Variants in MYLK observed in about 807,000 individuals in gnomAD.
MYLK encodes myosin light chain kinase.
In MYLK, 106 loss-of-function variants were observed where a neutral mutation model predicts 203.4. The ratio of observed to expected loss-of-function variants is 0.52; its 90% CI spans 0.45 to 0.61. The LOEUF is 0.61. MYLK is among the 20% of genes least tolerant of loss of function. The probability of loss-of-function intolerance (pLI) is 0.00; values close to 1 mark genes in which losing one functional copy is unlikely to be tolerated. For synonymous variants in MYLK, 867 were observed against 959.5 expected (o/e 0.90, Z 1.78); for missense variants, 2,072 against 2,442.3 (o/e 0.85, Z 3.20).
At chr3:123,639,824 C>T (rs546353384) in intron 28 of MYLK, among the ~76,000 whole-genome samples, 24 of 152,292 alleles carry the variant, frequency 1.6e-4, no homozygotes, top group Non-Finnish European at 4.4e-5. Context: ...CTACCCTGCT[C>T]ACCTCATGGT....
At chr3:123,785,069 A>G (rs2064458735) in intron 4 of MYLK, among the ~76,000 whole-genome samples, 2 of 152,144 alleles carry the variant, frequency 1.3e-5, no homozygotes, top group South Asian at 4.1e-4. Context: ...TCCACTCCTA[A>G]TCTCCAAATC....
chr3:123,837,796 G>A (rs2066509639), intron 2 of MYLK, among the ~76,000 whole-genome samples: 1 of 151,652 alleles, frequency 6.6e-6, no homozygotes, highest in African/African-American at 2.4e-5. Context: ...AGGCTCACAA[G>A]CACACTCAAC....
intron 12 of MYLK, among the ~76,000 whole-genome samples, chr3:123,725,146 C>T (rs1300642611): frequency 2.0e-5 from 3 of 152,134 alleles, no homozygotes; most frequent in Non-Finnish European, 2.9e-5. Flanking sequence ...GCTGGTACCC[C>T]GAGGGGTGAA....
At position 123,707,853 on chromosome 3, in the gene MYLK, T is replaced by G; in HGVS notation, c.2291A>C (p.Asp764Ala). 1 of 1,614,182 alleles carries G rather than the reference T, an allele frequency of 6.2e-7. No individual in the cohort carries two copies. The highest frequency in any genetic ancestry group is 8.5e-7 in the Non-Finnish European group (1 of 1,180,044). The change falls in exon 16 of 34, where the codon GAC becomes GCC. Residue 764 changes from aspartate to alanine, a missense_variant. By Grantham distance (126) the Asp-to-Ala change is moderately radical (BLOSUM62 -2). This residue lies in a region of MYLK where 865 missense variants were observed against 1,016.0 expected (regional missense o/e 0.85). Transcript: ENST00000360304. Reference sequence around the variant, plus strand: ...CTGAAGCACCTCGAAGTGGCCAGTGTCTTTGCAGAGGGCTTTGCCATCTCT... The same window carrying G: ...CTGAAGCACCTCGAAGTGGCCAGTGGCTTTGCAGAGGGCTTTGCCATCTCT... ...WLRDGKALCK[D>A]TGHFEVLQNE...
intron 4 of MYLK, among the ~76,000 whole-genome samples, chr3:123,769,213 G>A (rs760084075): frequency 5.9e-5 from 9 of 152,056 alleles, no homozygotes; most frequent in Non-Finnish European, 1.0e-4. Context: ...AGAGATTTAC[G>A]AGCAGCCTCC....
chr3:123,628,531 A>G (rs567931299), intron 30 of MYLK, among the ~76,000 whole-genome samples: 1 of 152,304 alleles, frequency 6.6e-6, no homozygotes, highest in South Asian at 2.1e-4. Context: ...CCCTACAGTC[A>G]GGCCCTGCCT....
chr3:123,833,838 T>C (rs2066407838), intron 2 of MYLK, among the ~76,000 whole-genome samples: 1 of 151,774 alleles, frequency 6.6e-6, no homozygotes, highest in Non-Finnish European at 1.5e-5. Flanking sequence ...ACAGGAGAGG[T>C]CACACAATTC....
Position 123,849,756 on chromosome 3 carries a change from T to A in MYLK, c.-126-18086A>T, listed in dbSNP as rs148169113. Reference sequence around the variant, plus strand: ...CTGAGTACATTTATTCATTTTTTTTTATTATACTTTAAGTTCTAGGGTACA... The same window carrying A: ...CTGAGTACATTTATTCATTTTTTTTAATTATACTTTAAGTTCTAGGGTACA... On this transcript the variant is annotated intron_variant, in intron 2 of 33. Transcript: ENST00000360304. Among the ~76,000 whole-genome samples, 888 of 152,306 alleles carry A rather than the reference T, an allele frequency of 5.8e-3. 3 individuals are homozygous for A. Among genetic ancestry groups the A allele is most frequent in the Admixed American group, 0.011 (167 of 15,280 alleles).
chr3:123,644,161 C>A (rs564421960), intron 27 of MYLK, among the ~76,000 whole-genome samples: 1 of 152,332 alleles, frequency 6.6e-6, no homozygotes, highest in South Asian at 2.1e-4. Context: ...ATTCTATCCC[C>A]AGGCATCATC....
At chr3:123,756,899 TAG>T in intron 4 of MYLK, among the ~76,000 whole-genome samples, 2 of 152,308 alleles carry the variant, frequency 1.3e-5, no homozygotes, top group Admixed American at 1.3e-4. Context: ...AATAAAGATA[TAG>T]TCACCATAAC....
intron 3 of MYLK, among the ~76,000 whole-genome samples, chr3:123,809,400 C>G (rs370187224): frequency 6.6e-6 from 1 of 152,148 alleles, no homozygotes; most frequent in East Asian, 1.9e-4. Context: ...GTGGCAGGCA[C>G]CTGTAATCCC....
rs139387948 is a variant in MYLK, at chr3:123,861,507, G to T, written c.-127+15052C>A. Among the ~76,000 whole-genome samples the T allele has an allele frequency of 3.5e-3, 536 of 152,362 alleles. 1 individual carries two copies. The highest frequency in any genetic ancestry group is 0.012 in the African/African-American group (502 of 41,576). On this transcript the variant is annotated intron_variant, in intron 2 of 33. Transcript: ENST00000360304. ...AGTTATTACTGTTGGAAGGGAGAAG[G>T]TACTGGAGCTGGAGTAGACGCCAGA...
chr3:123,660,035 C>G (rs578242906), intron 23 of MYLK, among the ~76,000 whole-genome samples: 1 of 152,330 alleles, frequency 6.6e-6, no homozygotes, highest in Admixed American at 6.5e-5. Flanking sequence ...TATGCCTAGC[C>G]CCACCTGGAT....
chr3:123,858,471 T>A (rs1484539539), intron 2 of MYLK, among the ~76,000 whole-genome samples: 1 of 152,122 alleles, frequency 6.6e-6, no homozygotes, highest in Non-Finnish European at 1.5e-5. Flanking sequence ...TTACAGAGGC[T>A]GAGAAGTACA....
chr3:123,661,103 G>A (rs61456638), intron 23 of MYLK, among the ~76,000 whole-genome samples: 2,360 of 152,256 alleles, frequency 0.016, 62 homozygotes, highest in African/African-American at 0.053. Context: ...AGACAGCCAC[G>A]CCAATGGCCC....
rs572008073 is a variant in MYLK, at chr3:123,778,895, C to T, written c.165+14782G>A. On this transcript the variant is annotated intron_variant, in intron 4 of 33. Coordinates refer to ENST00000360304, the MANE Select transcript of MYLK (RefSeq NM_053025.4). ...TCTGCAGGATCCCACCTTGAGAAAC[C>T]ACTCTCGACAAAGTGCCTCCACGAA... Among the ~76,000 whole-genome samples the T allele has an allele frequency of 2.4e-4, 37 of 152,338 alleles. 2 individuals carry two copies. The South Asian group carries it at 7.5e-3, about 31-fold the overall frequency.
rs1416191552 is a variant in MYLK, at chr3:123,709,019, C to T, written c.1943-124G>A. 80 of 794,678 alleles carry T rather than the reference C, an allele frequency of 1.0e-4. 1 individual carries two copies. The highest frequency in any genetic ancestry group is 1.5e-4 in the Non-Finnish European group (74 of 489,004). 49.2% of individuals were successfully genotyped at this position (794,678 alleles called of 1,614,324 possible). On this transcript the variant is annotated intron_variant, in intron 14 of 33. Transcript: ENST00000360304. Reference sequence around the variant, plus strand: ...AACAACTCTCTATGCTTTCACTTCCCCATCAGTAAAATAGGAATTCAAACA... The same window carrying T: ...AACAACTCTCTATGCTTTCACTTCCTCATCAGTAAAATAGGAATTCAAACA...
intron 13 of MYLK, among the ~76,000 whole-genome samples, chr3:123,721,838 G>C (rs1676362548): frequency 6.8e-6 from 1 of 146,632 alleles, no homozygotes; most frequent in Non-Finnish European, 1.5e-5. Context: ...TGAGGAAAAG[G>C]CCACCTCTGA....
chr3:123,641,213 A>G (rs1424054390), intron 27 of MYLK, among the ~76,000 whole-genome samples: 1 of 152,132 alleles, frequency 6.6e-6, no homozygotes, highest in Non-Finnish European at 1.5e-5. Context: ...AGCCACAGGC[A>G]TGCATCCTCT....
Sources: gnomAD v4.1 joint callset for allele counts (sites outside exome capture counted in the v4.1 genomes callset) on GRCh38, gnomAD v4.1.1 for gene constraint, gnomAD v4.1.1 regional missense constraint, MANE v1.5 for transcripts, NCBI Gene and HGNC (gene_info 2026-07-23, HGNC 2026-07-21) for gene names.